The following KY variants were observed in gnomAD, a reference collection of about 807,000 sequenced individuals.
The protein encoded by KY is kyphoscoliosis peptidase.
In KY, 43 loss-of-function variants were observed where a neutral mutation model predicts 76.1. That is an observed-to-expected ratio of 0.57 (90% CI 0.44 to 0.73). The LOEUF (loss-of-function observed/expected upper bound fraction) is 0.73. KY is among the 30% of genes least tolerant of loss of function. The pLI is 0.00. For missense variants in KY, 722 were observed against 828.9 expected (o/e 0.87, Z 1.58); for synonymous variants, 277 against 326.2 (o/e 0.85, Z 1.63).
chr3:134,628,732 G>A (rs1963801544), intron 4 of KY, among the ~76,000 whole-genome samples: 1 of 152,130 alleles, frequency 6.6e-6, no homozygotes, highest in Non-Finnish European at 1.5e-5. Flanking sequence ...ATAATCTTAT[G>A]AGGCAGATTC....
Position 134,622,244 on chromosome 3 carries a change from A to C in KY, c.484-1387T>G, listed in dbSNP as rs2107844786. 2.0e-5 allele frequency among the ~76,000 whole-genome samples: 3 copies of C among 152,356 alleles called. No individual in the cohort carries two copies. The South Asian group carries it at 6.2e-4, about 32-fold the overall frequency. The stretch of plus-strand genomic sequence containing the variant: ...CCAAAAAAACCGAAGGCAGAGACTC[A>C]AACAGACATTTGTTTCCCCAATGTT... On this transcript the variant is annotated intron_variant, in intron 6 of 10. Coordinates refer to ENST00000423778, the MANE Select transcript of KY (RefSeq NM_178554.6).
intron 1 of KY, 116 bp from the exon 2 acceptor site, chr3:134,647,613 G>C (rs1966591154): frequency 1.6e-6 from 1 of 614,654 alleles, no homozygotes; most frequent in Non-Finnish European, 2.9e-6. Context: ...CTTGGAATCT[G>C]AGAGAGGCTA....
intron 2 of KY, among the ~76,000 whole-genome samples, chr3:134,645,549 C>G (rs79910609): frequency 3.9e-5 from 6 of 152,210 alleles, no homozygotes; most frequent in Non-Finnish European, 8.8e-5. Context: ...CTCAGAATCT[C>G]GACATCAGAA....
chr3:134,649,607 C>T (rs763270148), intron 1 of KY, among the ~76,000 whole-genome samples: 13 of 152,216 alleles, frequency 8.5e-5, no homozygotes, highest in Non-Finnish European at 1.3e-4. Flanking sequence ...AAAGAGCCAA[C>T]GAATCCAAAC....
At position 134,608,853 on chromosome 3, in the gene KY, A is replaced by G. The variant is rs1315194242; in HGVS notation, c.900-14T>C. ...AACTCATTGTAGCTGGAGCAGAGAC[A>G]AGCTGGTTAGCAGCCAGCTCCATGC... On this transcript the variant is annotated splice_polypyrimidine_tract_variant and intron_variant, in intron 9 of 10. Coordinates refer to ENST00000423778, the MANE Select transcript of KY (RefSeq NM_178554.6). 1 of 1,598,928 alleles carries G rather than the reference A, an allele frequency of 6.3e-7. No individual in the cohort carries two copies. The highest frequency in any genetic ancestry group is 8.5e-7 in the Non-Finnish European group (1 of 1,170,552).
At chr3:134,641,995 G>T (rs922081100) in intron 3 of KY, among the ~76,000 whole-genome samples, 1 of 152,198 alleles carries the variant, frequency 6.6e-6, no homozygotes, top group East Asian at 1.9e-4. Flanking sequence ...ACAGGACAGA[G>T]CATGGGCTTG....
rs1298345966 is a variant in KY at position 134,601,079 on chromosome 3, G to C, written c.*2500C>G. Reference sequence around the variant, plus strand: ...CTCGTCGCCCGGGAAACAAAGATGGGGATTTAAAGAAAAGCCTTCAAAATG... The same window carrying C: ...CTCGTCGCCCGGGAAACAAAGATGGCGATTTAAAGAAAAGCCTTCAAAATG... On this transcript the variant is annotated 3_prime_UTR_variant, in exon 11 of 11. Transcript: ENST00000423778. The C allele has an allele frequency of 6.6e-6, 1 of 152,090 alleles. No homozygotes were observed. The highest frequency in any genetic ancestry group is 2.4e-5 in the African/African-American group (1 of 41,394). 9.4% of individuals were successfully genotyped at this position (152,090 alleles called of 1,614,324 possible).
intron 1 of KY, among the ~76,000 whole-genome samples, chr3:134,648,477 C>G (rs994412990): frequency 6.6e-6 from 1 of 152,116 alleles, no homozygotes; most frequent in African/African-American, 2.4e-5. Flanking sequence ...TGGGTCTTGC[C>G]CCAGGCAGCT....
chr3:134,648,352 C>T (rs4955554), intron 1 of KY, among the ~76,000 whole-genome samples: 130,597 of 152,000 alleles, frequency 0.86, 56,775 homozygotes, highest in East Asian at 1. Flanking sequence ...TTCTGCAGAG[C>T]CCCCCATAGC....
chr3:134,639,941 C>A (rs988509058), intron 3 of KY: 1 of 121,242 alleles, frequency 8.2e-6, no homozygotes, highest in African/African-American at 3.4e-5. Context: ...CAGAGTGACA[C>A]CCTGTCTCAA....
intron 10 of KY, among the ~76,000 whole-genome samples, chr3:134,606,159 A>G (rs753459021): frequency 5.3e-5 from 8 of 152,072 alleles, no homozygotes; most frequent in Non-Finnish European, 1.0e-4. Context: ...GTCCTGTTCC[A>G]TCTCACAACT....
chr3:134,625,138 G>A lies in KY; in HGVS notation c.401-3C>T. 6.3e-7 allele frequency: 1 copy of A among 1,592,114 alleles called. No homozygotes were observed. Among genetic ancestry groups the A allele is most frequent in the Non-Finnish European group, 8.6e-7 (1 of 1,168,910 alleles). ...GCTAGATCGATCCCAGGGGTAGGCT[G>A]GAAACACAGGGCACCTTGGTCAGCA... On this transcript the variant is annotated splice_region_variant and splice_polypyrimidine_tract_variant and intron_variant, in intron 5 of 10. Coordinates refer to ENST00000423778, the MANE Select transcript of KY (RefSeq NM_178554.6).
At chr3:134,610,697 C>T in intron 8 of KY, 2 of 243,072 alleles carry the variant, frequency 8.2e-6, no homozygotes, top group Non-Finnish European at 1.6e-5. Context: ...TGACACGCTC[C>T]TCAAGCAGCT....
At chr3:134,627,682 C>G in intron 5 of KY, 74 bp downstream of exon 5, 1 of 1,367,860 alleles carries the variant, frequency 7.3e-7, no homozygotes, top group African/African-American at 1.4e-5. Context: ...AAGCAACTGT[C>G]AATTGGAGAT....
At chr3:134,650,766 T>C in intron 1 of KY, 59 bp downstream of exon 1, 2 of 1,464,154 alleles carry the variant, frequency 1.4e-6, no homozygotes, top group Non-Finnish European at 1.8e-6. Context: ...GGGCAGGCCC[T>C]TGTGGCAAGG....
intron 2 of KY, among the ~76,000 whole-genome samples, chr3:134,645,565 A>C (rs561583203): frequency 6.6e-6 from 1 of 152,390 alleles, no homozygotes; most frequent in South Asian, 2.1e-4. Context: ...CAGAAAACAC[A>C]GAAAGAAACT....
At position 134,610,280 on chromosome 3, in the gene KY, C is replaced by G; in HGVS notation, c.814G>C (p.Val272Leu). Residue 272 changes from valine to leucine, a missense_variant, in exon 9 of 11, where the codon GTG becomes CTG. By Grantham distance (32) the Val-to-Leu change is conservative (BLOSUM62 1). Around this residue, in one of 2 missense-constraint regions of KY, gnomAD observed 552 missense variants for 680.9 expected, o/e 0.81. Transcript: ENST00000423778. ...SGEFDHAWNA[V>L]YLEGRWHLVD... The stretch of plus-strand genomic sequence containing the variant: ...AGGTGCCATCTTCCCTCCAGGTACA[C>G]AGCATTCCAGGCATGGTCAAACTCC... 1 of 1,613,978 alleles carries G rather than the reference C, an allele frequency of 6.2e-7. No individual in the cohort carries two copies. The highest frequency in any genetic ancestry group is 8.5e-7 in the Non-Finnish European group (1 of 1,179,884).
In KY at chr3:134,603,412, A is replaced by T; in HGVS notation, c.*167T>A. 1.6e-6 allele frequency: 1 copy of T among 627,196 alleles called. No homozygotes were observed. Among genetic ancestry groups the T allele is most frequent in the Non-Finnish European group, 2.7e-6 (1 of 369,738 alleles). 38.9% of individuals were successfully genotyped at this position (627,196 alleles called of 1,614,324 possible). A position where few individuals can be genotyped will look rare whatever the true frequency, so the allele number is the denominator to read the frequency against. On this transcript the variant is annotated 3_prime_UTR_variant, in exon 11 of 11. Coordinates refer to ENST00000423778, the MANE Select transcript of KY (RefSeq NM_178554.6). ...AGCCACACCTGAGTGAAGCCTTCAGAACACAAAGATCACAGCTCCTGTGGC... is the reference window on the plus strand; with the variant it reads ...AGCCACACCTGAGTGAAGCCTTCAGTACACAAAGATCACAGCTCCTGTGGC...
At chr3:134,632,648 GA>G (rs1964389021) in intron 3 of KY, among the ~76,000 whole-genome samples, 1 of 151,592 alleles carries the variant, frequency 6.6e-6, no homozygotes, top group Non-Finnish European at 1.5e-5. Flanking sequence ...TCTTATTACA[GA>G]AAAAAGAAAG....
Sources: allele counts gnomAD v4.1 joint callset (sites outside exome capture counted in the v4.1 genomes callset), GRCh38; gene constraint gnomAD v4.1.1; regional missense constraint gnomAD v4.1.1; transcripts MANE v1.5; gene names NCBI Gene and HGNC (gene_info 2026-07-23, HGNC 2026-07-21).